STIM1: variants seen among roughly 807,000 people sequenced by gnomAD.
STIM1 encodes stromal interaction molecule 1.
STIM1 carries 25 observed loss-of-function variants against 74.7 expected under a neutral mutation model. The ratio of observed to expected loss-of-function variants is 0.33; its 90% CI spans 0.24 to 0.47. The LOEUF (loss-of-function observed/expected upper bound fraction) is 0.47. Among genes scored for constraint, STIM1 ranks in the 20% least tolerant of loss-of-function variants. The pLI is 1.00. For missense variants in STIM1, 728 were observed against 920.8 expected, an observed-to-expected ratio of 0.79 and a Z score of 2.71; for synonymous variants, 328 against 348.8, an observed-to-expected ratio of 0.94 and a Z score of 0.66.
intron 4 of STIM1, among the ~76,000 whole-genome samples, chr11:4,057,464 A>G (rs986745721): frequency 2.0e-5 from 3 of 152,154 alleles, no homozygotes; most frequent in Non-Finnish European, 4.4e-5. Flanking sequence ...ACTAGCTCAC[A>G]TGGTATAATG....
chr11:4,086,607 C>G (rs1263146976), intron 12 of STIM1, 64 bp downstream of exon 12: 12 of 1,604,346 alleles, frequency 7.5e-6, no homozygotes, highest in South Asian at 1.1e-5. Context: ...GAATGCGCAG[C>G]CTTTCATCTG....
rs75268853 is a variant in STIM1, at chr11:3,954,110, G to A, written c.140-13442G>A. ...GATCTTTTAATAAGTCAAGTTGTGTGAGATGCTGTGCTCCTTGCCTTTGGG... is the reference window on the plus strand; with the variant it reads ...GATCTTTTAATAAGTCAAGTTGTGTAAGATGCTGTGCTCCTTGCCTTTGGG... On this transcript the variant is annotated intron_variant, in intron 1 of 12. Transcript: ENST00000526596. Among the ~76,000 whole-genome samples, 47 of 152,214 alleles carry A rather than the reference G, an allele frequency of 3.1e-4. No homozygotes were observed. The East Asian group carries it at 8.9e-3, about 29-fold the overall frequency.
intron 1 of STIM1, among the ~76,000 whole-genome samples, chr11:3,943,579 A>C (rs1374147045): frequency 6.6e-6 from 1 of 152,182 alleles, no homozygotes; most frequent in Non-Finnish European, 1.5e-5. Context: ...TTTTTCCAAG[A>C]GAGCCACAGT....
At chr11:3,902,695 G>C in intron 1 of STIM1, among the ~76,000 whole-genome samples, 1 of 152,200 alleles carries the variant, frequency 6.6e-6, no homozygotes, top group East Asian at 1.9e-4. Flanking sequence ...CAGCCTGAGG[G>C]TTGGGGACCC....
intron 5 of STIM1, among the ~76,000 whole-genome samples, chr11:4,064,401 C>T (rs974541440): frequency 2.0e-5 from 3 of 152,074 alleles, no homozygotes; most frequent in Admixed American, 6.5e-5. Context: ...TTTAGGAGGC[C>T]TGTACTGGCT....
intron 1 of STIM1, among the ~76,000 whole-genome samples, chr11:3,924,254 A>C (rs2092759230): frequency 7.2e-6 from 1 of 139,746 alleles, no homozygotes; most frequent in Non-Finnish European, 1.5e-5. Context: ...TCTGGAGTGC[A>C]GTGGCGCAAT....
At chr11:4,026,600 G>A (rs1323543086) in intron 3 of STIM1, among the ~76,000 whole-genome samples, 1 of 152,168 alleles carries the variant, frequency 6.6e-6, no homozygotes, top group Non-Finnish European at 1.5e-5. Context: ...CTGACCAGCT[G>A]ACTACAATTC....
At chr11:3,973,947 T>C (rs2093420853) in intron 2 of STIM1, 2 of 559,302 alleles carry the variant, frequency 3.6e-6, no homozygotes, top group East Asian at 3.0e-5. Flanking sequence ...ATCCTTTTCA[T>C]AGTTAAGTGG....
intron 1 of STIM1, among the ~76,000 whole-genome samples, chr11:3,958,696 G>T (rs964107023): frequency 6.6e-6 from 1 of 151,998 alleles, no homozygotes; most frequent in Non-Finnish European, 1.5e-5. Flanking sequence ...ATAGTCAGGC[G>T]CAGTGGCTCA....
At chr11:4,064,090 G>A (rs578201119) in intron 5 of STIM1, among the ~76,000 whole-genome samples, 3 of 152,176 alleles carry the variant, frequency 2.0e-5, no homozygotes, top group Non-Finnish European at 4.4e-5. Flanking sequence ...CTCATTCAAG[G>A]ATTCTGATAG....
At chr11:4,056,095 T>TC (rs2094287839) in intron 4 of STIM1, among the ~76,000 whole-genome samples, 1 of 152,176 alleles carries the variant, frequency 6.6e-6, no homozygotes, top group Admixed American at 6.5e-5. Context: ...TTTCTTTTTT[T>TC]CCTGTGCCCT....
chr11:3,937,185 G>T (rs937510383), intron 1 of STIM1, among the ~76,000 whole-genome samples: 16 of 151,818 alleles, frequency 1.1e-4, no homozygotes, highest in African/African-American at 3.9e-4. Context: ...TAGCTACTTG[G>T]AAGGCTGAGG....
chr11:3,947,363 A>C (rs899986085), intron 1 of STIM1: 8 of 152,222 alleles, frequency 5.3e-5, no homozygotes, highest in Non-Finnish European at 1.2e-4. Flanking sequence ...GTCAGAAGAC[A>C]GAGTTTCAGT....
intron 2 of STIM1, among the ~76,000 whole-genome samples, chr11:3,997,543 A>G (rs7949898): frequency 6.6e-6 from 1 of 152,112 alleles, no homozygotes. Context: ...GCAGAAGAGG[A>G]CGCCCTAAGT....
At chr11:4,085,280 G>A (rs527733939) in intron 11 of STIM1, among the ~76,000 whole-genome samples, 4 of 152,166 alleles carry the variant, frequency 2.6e-5, no homozygotes, top group African/African-American at 7.2e-5. Flanking sequence ...CCAAGGCTTC[G>A]CTCACCCTTG....
intron 2 of STIM1, among the ~76,000 whole-genome samples, chr11:3,985,004 G>T (rs2093544787): frequency 6.6e-6 from 1 of 152,156 alleles, no homozygotes; most frequent in Admixed American, 6.5e-5. Context: ...GCAGGCAAGG[G>T]TACCAGTTCC....
intron 1 of STIM1, among the ~76,000 whole-genome samples, chr11:3,891,678 A>G (rs946268876): frequency 1.3e-5 from 2 of 152,356 alleles, no homozygotes; most frequent in Admixed American, 6.5e-5. Context: ...CATTAAAAAA[A>G]GAAGTATTGA....
intron 1 of STIM1, among the ~76,000 whole-genome samples, chr11:3,877,320 C>T (rs147423840): frequency 6.6e-6 from 1 of 151,972 alleles, no homozygotes; most frequent in Non-Finnish European, 1.5e-5. Flanking sequence ...AATTGGTATG[C>T]CTTGCTTCTC....
intron 3 of STIM1, among the ~76,000 whole-genome samples, chr11:4,046,302 A>G (rs540934684): frequency 1.3e-5 from 2 of 152,166 alleles, no homozygotes; most frequent in East Asian, 1.9e-4. Context: ...TTTTTCTTCC[A>G]ACATATTCTA....
Sources: gnomAD v4.1 joint callset for allele counts (sites outside exome capture counted in the v4.1 genomes callset) on GRCh38, gnomAD v4.1.1 for gene constraint, MANE v1.5 for transcripts, NCBI Gene and HGNC (gene_info 2026-07-23, HGNC 2026-07-21) for gene names.